The following ALX1 variants were observed in gnomAD, a reference collection of about 807,000 sequenced individuals.
ALX1 encodes ALX homeobox 1, also known as ALX homeobox protein 1.
ALX1 carries 19 observed loss-of-function variants against 31.7 expected under a neutral mutation model. The ratio of observed to expected loss-of-function variants is 0.60; its 90% confidence interval spans 0.42 to 0.88. The LOEUF is 0.88. Ranked by LOEUF, ALX1 falls within the 40% of genes least tolerant of loss-of-function variation. ALX1 has a pLI of 0.00. For missense variants in ALX1, 415 were observed against 407.8 expected (o/e 1.02, Z -0.15); for synonymous variants, 153 against 148.8 (o/e 1.03, Z -0.20).
chr12:85,280,260 T>A lies in ALX1; in HGVS notation c.-2T>A. On this transcript the variant is annotated 5_prime_UTR_variant, in exon 1 of 4. Transcript: ENST00000316824. Reference sequence around the variant, plus strand: ...GGAGCTACGCGACAGTCTTCCAGGATTATGGAGTTTCTGAGCGAGAAGTTT... The same window carrying A: ...GGAGCTACGCGACAGTCTTCCAGGAATATGGAGTTTCTGAGCGAGAAGTTT... The A allele has an allele frequency of 6.2e-7, 1 of 1,611,542 alleles. No homozygotes were observed.
At chr12:85,286,499 C>G (rs1314214893) in intron 2 of ALX1, among the ~76,000 whole-genome samples, 1 of 151,930 alleles carries the variant, frequency 6.6e-6, no homozygotes, top group Non-Finnish European at 1.5e-5. Context: ...GCAGCATTCT[C>G]TTAAAGGAGA....
intron 1 of ALX1, among the ~76,000 whole-genome samples, chr12:85,282,445 A>G (rs1896687933): frequency 6.6e-6 from 1 of 152,172 alleles, no homozygotes; most frequent in African/African-American, 2.4e-5. Flanking sequence ...ATTATTAGCT[A>G]TTGAAGTTAT....
Position 85,283,966 on chromosome 12 carries a change from A to T in ALX1, c.531+90A>T, listed in dbSNP as rs1383930605. The T allele has an allele frequency of 3.7e-6, 5 of 1,360,826 alleles. No homozygotes were observed. In the African/African-American group the frequency reaches 7.2e-5, roughly 20 times the overall value. The allele number at this position is 1,360,826 out of a possible 1,614,324, so 84.3% of individuals were successfully genotyped here. ...TAAGTGCATTTTGCCACAAAGAAACAAACTGATTCCCTAGCTGAAGATGAG... is the reference window on the plus strand; with the variant it reads ...TAAGTGCATTTTGCCACAAAGAAACTAACTGATTCCCTAGCTGAAGATGAG... On this transcript the variant is annotated intron_variant, in intron 2 of 3. Coordinates refer to ENST00000316824, the MANE Select transcript of ALX1 (RefSeq NM_006982.3).
chr12:85,298,256 T>C (rs1330575957), intron 3 of ALX1, among the ~76,000 whole-genome samples: 1 of 151,772 alleles, frequency 6.6e-6, no homozygotes. Context: ...CTCTGTTCTA[T>C]AGTGTTACCA....
intron 3 of ALX1, among the ~76,000 whole-genome samples, chr12:85,294,779 G>A (rs1468190071): frequency 6.7e-6 from 1 of 149,606 alleles, no homozygotes. Flanking sequence ...GATATTTAAT[G>A]GTGATTTTTT....
In ALX1 at chr12:85,280,516, G is replaced by A. The variant is rs759945013; in HGVS notation, c.226+29G>A. On this transcript the variant is annotated intron_variant, in intron 1 of 3. Transcript: ENST00000316824. The stretch of plus-strand genomic sequence containing the variant: ...AGTCGCTAGCGCCCCAGCCGGAGCC[G>A]CCGCAGCCCTTCCGCAATCGAAAAT... The A allele has an allele frequency of 3.1e-6, 5 of 1,603,262 alleles. No homozygotes were observed. The East Asian group carries it at 6.7e-5, about 21-fold the overall frequency.
rs199621505 is a variant in ALX1, at chr12:85,296,819, CG to C, written c.661-4335del. 1.4e-3 allele frequency among the ~76,000 whole-genome samples: 200 copies of C among 140,704 alleles called. 1 individual carries two copies. Among genetic ancestry groups the C allele is most frequent in the African/African-American group, 4.5e-3 (181 of 40,520 alleles). The allele number at this position is 140,704 out of a possible 152,430, so 92.3% of individuals were successfully genotyped here. On this transcript the variant is annotated intron_variant, in intron 3 of 3. Transcript: ENST00000316824. ...CCCTTGAATATTAAACAGAGGCCTA[CG>C]AAAACACCGTAAAATTATATGGTGC...
intron 3 of ALX1, among the ~76,000 whole-genome samples, chr12:85,293,785 G>A (rs1345770128): frequency 4.0e-5 from 6 of 151,178 alleles, no homozygotes; most frequent in East Asian, 1.9e-4. Flanking sequence ...AGAAAATTAA[G>A]CCATCAAAGC....
At chr12:85,301,115 G>C (rs772924755) in intron 3 of ALX1, 40 bp from the exon 4 acceptor site, 3 of 1,606,644 alleles carry the variant, frequency 1.9e-6, no homozygotes, top group Non-Finnish European at 2.6e-6. Flanking sequence ...ACAAAAGTGA[G>C]AACATGTAAA....
At chr12:85,286,545 C>T (rs1896749059) in intron 2 of ALX1, among the ~76,000 whole-genome samples, 1 of 151,824 alleles carries the variant, frequency 6.6e-6, no homozygotes, top group Non-Finnish European at 1.5e-5. Flanking sequence ...ATGGAGTATT[C>T]AGGATCATAT....
intron 3 of ALX1, among the ~76,000 whole-genome samples, chr12:85,289,352 T>A (rs1896787807): frequency 6.6e-6 from 1 of 151,264 alleles, no homozygotes; most frequent in South Asian, 2.1e-4. Flanking sequence ...TATCTTACCA[T>A]TGTGTTATTG....
At chr12:85,288,791 T>C (rs1231594994) in intron 3 of ALX1, among the ~76,000 whole-genome samples, 1 of 151,448 alleles carries the variant, frequency 6.6e-6, no homozygotes, top group African/African-American at 2.4e-5. Context: ...AACCTGACAA[T>C]AGACTGTCTC....
rs1317761911 is a variant in ALX1, at chr12:85,280,344, T to C, written c.83T>C (p.Leu28Pro). 15 of 1,613,834 alleles carry C rather than the reference T, an allele frequency of 9.3e-6. No individual in the cohort carries two copies. Among genetic ancestry groups the C allele is most frequent in the Non-Finnish European group, 1.3e-5 (15 of 1,180,036 alleles). ...TTTTACATGGGCGCAGGAGGTCCTCTGGAGCACGTTATGGAGACGCTGGAC... is the reference window on the plus strand; with the variant it reads ...TTTTACATGGGCGCAGGAGGTCCTCCGGAGCACGTTATGGAGACGCTGGAC... ...SDFYMGAGGP[L>P]EHVMETLDNE... is the part of the protein sequence containing the mutation. Residue 28 changes from leucine (L) to proline (P), a missense_variant, in exon 1 of 4, where the codon CTG becomes CCG. Leu to Pro is a moderately conservative substitution (Grantham distance 98). Around this residue, in one of 3 missense-constraint regions of ALX1, gnomAD observed 235 missense variants for 208.9 expected, o/e 1.13. Transcript: ENST00000316824.
At position 85,301,362 on chromosome 12, in the gene ALX1, A is replaced by T. The variant is rs1266288097; in HGVS notation, c.868A>T (p.Thr290Ser). The T allele has an allele frequency of 1.9e-6, 3 of 1,613,978 alleles. No individual in the cohort carries two copies. Among genetic ancestry groups the T allele is most frequent in the Non-Finnish European group, 2.5e-6 (3 of 1,180,000 alleles). ...FFTDSLLTGATNGHAFETKPE... is the reference protein window; with the variant it reads ...FFTDSLLTGASNGHAFETKPE... The stretch of plus-strand genomic sequence containing the variant: ...CACTGACTCTCTTCTTACTGGGGCA[A>T]CCAATGGACATGCATTTGAAACAAA... The change falls in exon 4 of 4, where the codon ACC (threonine) becomes TCC (serine). Residue 290 changes from threonine to serine, a missense_variant. Around this residue, in one of 3 missense-constraint regions of ALX1, gnomAD observed 174 missense variants for 177.5 expected, o/e 0.98. Coordinates refer to ENST00000316824, the MANE Select transcript of ALX1 (RefSeq NM_006982.3).
chr12:85,287,799 G>A (rs544809717), intron 3 of ALX1, among the ~76,000 whole-genome samples: 4 of 150,926 alleles, frequency 2.7e-5, no homozygotes, highest in African/African-American at 7.3e-5. Flanking sequence ...AAAAACCTAC[G>A]TTATAAGCAA....
At position 85,286,787 on chromosome 12, in the gene ALX1, T is replaced by C. The variant is rs1436933790; in HGVS notation, c.532-66T>C. ...GGTTTACCTTTCTTGTTTGATGTCT[T>C]TTAACATCACATTTGCTTTATCAAA... is the stretch of plus-strand genomic sequence containing the variant. On this transcript the variant is annotated intron_variant, in intron 2 of 3. Coordinates refer to ENST00000316824, the MANE Select transcript of ALX1 (RefSeq NM_006982.3). 11 of 1,393,394 alleles carry C rather than the reference T, an allele frequency of 7.9e-6. No homozygotes were observed. The Admixed American group carries it at 2.3e-4, about 30-fold the overall frequency. 86.3% of individuals were successfully genotyped at this position (1,393,394 alleles called of 1,614,324 possible).
Position 85,301,568 on chromosome 12 carries a change from G to T in ALX1, c.*93G>T. Reference sequence around the variant, plus strand: ...ATACCACAATAAGCTGCTGTGTGTGGAATTGCTAAAGGTCAAGATATTCAG... The same window carrying T: ...ATACCACAATAAGCTGCTGTGTGTGTAATTGCTAAAGGTCAAGATATTCAG... On this transcript the variant is annotated 3_prime_UTR_variant, in exon 4 of 4. Transcript: ENST00000316824. The T allele has an allele frequency of 7.4e-7, 1 of 1,351,506 alleles. No individual in the cohort carries two copies. Among genetic ancestry groups the T allele is most frequent in the South Asian group, 1.2e-5 (1 of 83,006 alleles). 83.7% of individuals were successfully genotyped at this position (1,351,506 alleles called of 1,614,324 possible).
chr12:85,290,801 C>T (rs1443938647), intron 3 of ALX1, among the ~76,000 whole-genome samples: 1 of 150,978 alleles, frequency 6.6e-6, no homozygotes, highest in African/African-American at 2.4e-5. Context: ...CCTCCCTCAC[C>T]TAAGCCATAT....
intron 2 of ALX1, among the ~76,000 whole-genome samples, chr12:85,284,225 T>C (rs1241049132): frequency 2.6e-5 from 4 of 151,388 alleles, no homozygotes; most frequent in Admixed American, 2.6e-4. Flanking sequence ...TTATTTGTTT[T>C]TTTTTTTTCG....
Sources: gnomAD v4.1 joint callset for allele counts (sites outside exome capture counted in the v4.1 genomes callset) on GRCh38, gnomAD v4.1.1 for gene constraint, gnomAD v4.1.1 regional missense constraint, MANE v1.5 for transcripts, NCBI Gene and HGNC (gene_info 2026-07-23, HGNC 2026-07-21) for gene names.